PREPL: variants seen among roughly 807,000 people sequenced by gnomAD.
PREPL encodes prolyl endopeptidase like.
In PREPL, 77 loss-of-function variants were observed where a neutral mutation model predicts 70.6. The observed-to-expected ratio is 1.09, with a 90% CI of 0.91 to 1.32. The LOEUF (loss-of-function observed/expected upper bound fraction) is 1.32, where lower values mean the gene tolerates loss of function less well. Among genes scored for constraint, PREPL ranks in the 40% most tolerant of loss-of-function variants. The pLI is 0.00. For missense variants in PREPL, 1,002 were observed against 778.2 expected, an observed-to-expected ratio of 1.29 and a Z score of -3.42; for synonymous variants, 315 against 264.8, an observed-to-expected ratio of 1.19 and a Z score of -1.84.
rs775360680 is a variant in PREPL at position 44,344,577 on chromosome 2, C to A, written c.85G>T (p.Gly29Cys). The A allele has an allele frequency of 1.2e-5, 19 of 1,600,638 alleles. No homozygotes were observed. The highest frequency in any genetic ancestry group is 2.3e-5 in the South Asian group (2 of 87,200). ...YEIINVEVKH[G>C]GFVYYQEGCC... is the part of the protein sequence containing the mutation. ...CCTTCTTGGTAATAAACAAAACCACCATGTTTAACCTGACAAAAGAAACAT... is the reference window on the plus strand; with the variant it reads ...CCTTCTTGGTAATAAACAAAACCACAATGTTTAACCTGACAAAAGAAACAT... Residue 29 changes from glycine to cysteine, a missense_variant, in exon 3 of 14, where the codon GGT becomes TGT. Physicochemically the swap from Gly to Cys is radical, Grantham distance 159. Transcript: ENST00000409411.
intron 1 of PREPL, among the ~76,000 whole-genome samples, chr2:44,353,253 A>G (rs1398222095): frequency 6.6e-6 from 1 of 151,762 alleles, no homozygotes; most frequent in Admixed American, 6.6e-5. Flanking sequence ...TAGTTTCTTC[A>G]TTTGTTTAGA....
chr2:44,338,388 A>C lies in PREPL; in HGVS notation c.851T>G (p.Val284Gly), dbSNP rs368870217. The change falls in exon 7 of 14, where the codon GTG (valine) becomes GGG (glycine). Residue 284 changes from valine (V) to glycine (G), a missense_variant. Coordinates refer to ENST00000409411, the MANE Select transcript of PREPL (RefSeq NM_001171613.2). ...LKHSNLLYVN[V>G]IGLADDSVRS... The stretch of plus-strand genomic sequence containing the variant: ...AACTGAATCATCAGCCAGACCAATC[A>C]CATTAACATAAAGGAGATTGCTGTG... 3.7e-5 allele frequency: 59 copies of C among 1,612,950 alleles called. No individual in the cohort carries two copies. Among genetic ancestry groups the C allele is most frequent in the Non-Finnish European group, 4.8e-5 (57 of 1,179,786 alleles).
chr2:44,355,753 A>T (rs944957657), intron 1 of PREPL, among the ~76,000 whole-genome samples: 34 of 78,192 alleles, frequency 4.3e-4, no homozygotes, highest in African/African-American at 1.2e-3. Context: ...ACTACATATT[A>T]TATATATATA....
At position 44,338,466 on chromosome 2, in the gene PREPL, G is replaced by T; in HGVS notation, c.773C>A (p.Thr258Lys). The change falls in exon 7 of 14, where the codon ACA becomes AAA. Residue 258 changes from threonine to lysine, a missense_variant. By Grantham distance (78) the Thr-to-Lys change is moderately conservative (BLOSUM62 -1). Coordinates refer to ENST00000409411, the MANE Select transcript of PREPL (RefSeq NM_001171613.2). The stretch of plus-strand genomic sequence containing the variant: ...AAACATGTCCAAGTCTATCACTTTT[G>T]TATTTCTCTTCATTGTAAAAAATAA... The part of the protein sequence containing the change: ...WDLFFTMKRN[T>K]KVIDLDMFKD... 3.7e-6 allele frequency: 6 copies of T among 1,612,618 alleles called. No homozygotes were observed. The highest frequency in any genetic ancestry group is 5.1e-6 in the Non-Finnish European group (6 of 1,179,338).
chr2:44,321,954 A>T (rs562406470), intron 12 of PREPL, 54 bp from the exon 13 acceptor site: 1 of 1,543,288 alleles, frequency 6.5e-7, no homozygotes, highest in Admixed American at 1.8e-5. Flanking sequence ...TCTTCTTTGG[A>T]AGATCGAGAC....
chr2:44,332,552 G>T lies in PREPL; in HGVS notation c.993C>A (p.Tyr331Ter), dbSNP rs1175690994. ...CAAACAGTTTGCCTTCTGCAAACTT[G>T]TATGTGTAATATTTTGGGGGACGTA... is the stretch of plus-strand genomic sequence containing the variant. Reference protein sequence around the residue: ...SPIRPPKYYTYKFAEGKLFEE... With the variant: ...SPIRPPKYYT The change falls in exon 8 of 14, where the codon TAC becomes TAA. Residue 331 changes from tyrosine to a stop codon, truncating the protein, a stop_gained. Coordinates refer to ENST00000409411, the MANE Select transcript of PREPL (RefSeq NM_001171613.2). LOFTEE classifies it high-confidence loss of function. 5.6e-6 allele frequency: 9 copies of T among 1,613,716 alleles called. No homozygotes were observed. The highest frequency in any genetic ancestry group is 2.2e-5 in the South Asian group (2 of 91,074).
At chr2:44,338,772 G>C (rs1296327745) in intron 6 of PREPL, among the ~76,000 whole-genome samples, 5 of 152,180 alleles carry the variant, frequency 3.3e-5, no homozygotes, top group Non-Finnish European at 5.9e-5. Flanking sequence ...GGACATTTGA[G>C]TGAGGGCACT....
At chr2:44,359,871 C>T (rs1677485856) in intron 1 of PREPL, 1 of 587,300 alleles carries the variant, frequency 1.7e-6, no homozygotes, top group Non-Finnish European at 3.0e-6. Flanking sequence ...TTATGAATAA[C>T]TTCAGACAGC....
rs1345009317 is a variant in PREPL, at chr2:44,338,341, T to C, written c.888+10A>G. The C allele has an allele frequency of 1.9e-6, 3 of 1,599,748 alleles. No homozygotes were observed. The highest frequency in any genetic ancestry group is 2.6e-6 in the Non-Finnish European group (3 of 1,175,328). The stretch of plus-strand genomic sequence containing the variant: ...GATTAACAGTATTAACTTCTGAAAA[T>C]TAAACATACCTTTAGAGACCGAACT... On this transcript the variant is annotated intron_variant, in intron 7 of 13. Coordinates refer to ENST00000409411, the MANE Select transcript of PREPL (RefSeq NM_001171613.2).
In PREPL at chr2:44,320,639, G is replaced by C. The variant is rs1157520942; in HGVS notation, c.*717C>G. 12 of 1,612,614 alleles carry C rather than the reference G, an allele frequency of 7.4e-6. No individual in the cohort carries two copies. Among genetic ancestry groups the C allele is most frequent in the African/African-American group, 2.7e-5 (2 of 74,854 alleles). ...TGAACATACTGTATACCTCGTGTTA[G>C]GCACCTTTATGAAGAGATGAAGACA... On this transcript the variant is annotated 3_prime_UTR_variant, in exon 14 of 14. Coordinates refer to ENST00000409411, the MANE Select transcript of PREPL (RefSeq NM_001171613.2).
chr2:44,338,172 T>A (rs1674829930), intron 7 of PREPL, among the ~76,000 whole-genome samples, 179 bp downstream of exon 7: 1 of 152,198 alleles, frequency 6.6e-6, no homozygotes, highest in South Asian at 2.1e-4. Context: ...AGCAAGATCC[T>A]CTAAGTAATT....
At chr2:44,351,432 C>G (rs999587841) in intron 1 of PREPL, among the ~76,000 whole-genome samples, 4 of 151,840 alleles carry the variant, frequency 2.6e-5, no homozygotes, top group African/African-American at 9.7e-5. Flanking sequence ...ACTGACTACC[C>G]AACATTTTTA....
chr2:44,352,450 C>T (rs1223271586), intron 1 of PREPL, among the ~76,000 whole-genome samples: 2 of 152,076 alleles, frequency 1.3e-5, no homozygotes, highest in Non-Finnish European at 2.9e-5. Flanking sequence ...TTTGTAGAGA[C>T]AGGGTTTTGC....
At position 44,352,658 on chromosome 2, in the gene PREPL, C is replaced by G. The variant is rs544911401; in HGVS notation, c.-48-6268G>C. Among the ~76,000 whole-genome samples the G allele has an allele frequency of 3.3e-5, 5 of 152,176 alleles. No homozygotes were observed. The South Asian group carries it at 1.0e-3, about 32-fold the overall frequency. On this transcript the variant is annotated intron_variant, in intron 1 of 13. Transcript: ENST00000409411. ...TTGTTTATTTTGTTCAGTGTTATAT[C>G]TCCAGTGCCTAGAATGGTGCATAGC...
At chr2:44,323,058 G>A (rs918172037) in intron 11 of PREPL, among the ~76,000 whole-genome samples, 1 of 152,114 alleles carries the variant, frequency 6.6e-6, no homozygotes, top group East Asian at 1.9e-4. Flanking sequence ...AAGGACCTTA[G>A]CTAATTTAGT....
chr2:44,322,716 T>C lies in PREPL; in HGVS notation c.1753+15A>G. 6.2e-7 allele frequency: 1 copy of C among 1,611,008 alleles called. No individual in the cohort carries two copies. The highest frequency in any genetic ancestry group is 8.5e-7 in the Non-Finnish European group (1 of 1,178,624). On this transcript the variant is annotated intron_variant, in intron 12 of 13. Transcript: ENST00000409411. ...TCTGTTTGGCCATGTTCCCTGCTTC[T>C]AGGGGGTCTCCTACCTTCACCTGTG...
intron 9 of PREPL, among the ~76,000 whole-genome samples, chr2:44,328,268 C>CA (rs1202363557): frequency 0.14 from 14,266 of 102,752 alleles, 1,413 homozygotes; most frequent in African/African-American, 0.25. Flanking sequence ...GATTCTATCT[C>CA]AAAAAAAAAA....
At chr2:44,341,559 A>AT (rs1675222699) in intron 5 of PREPL, among the ~76,000 whole-genome samples, 1 of 152,068 alleles carries the variant, frequency 6.6e-6, no homozygotes, top group Non-Finnish European at 1.5e-5. Flanking sequence ...TAGTTGTTAG[A>AT]TATGTGGTTA....
rs1305070369 is a variant in PREPL at position 44,320,823 on chromosome 2, A to C, written c.*533T>G. 5 of 628,690 alleles carry C rather than the reference A, an allele frequency of 8.0e-6. 1 individual carries two copies. Among genetic ancestry groups the C allele is most frequent in the South Asian group, 7.6e-5 (4 of 52,528 alleles). 38.9% of individuals were successfully genotyped at this position (628,690 alleles called of 1,614,324 possible). On this transcript the variant is annotated 3_prime_UTR_variant, in exon 14 of 14. Coordinates refer to ENST00000409411, the MANE Select transcript of PREPL (RefSeq NM_001171613.2). ...GAAAAAAATAAAATGTTTAAAAGTA[A>C]ATTATGGCTTATAGGAGCTTATAAC...
Sources: allele counts gnomAD v4.1 joint callset (sites outside exome capture counted in the v4.1 genomes callset), GRCh38; gene constraint gnomAD v4.1.1; transcripts MANE v1.5; gene names NCBI Gene and HGNC (gene_info 2026-07-23, HGNC 2026-07-21).